HIVEP1: variants seen among roughly 807,000 people sequenced by gnomAD.
The protein encoded by HIVEP1 is zinc finger protein 40.
In HIVEP1, 36 loss-of-function variants were observed where a neutral mutation model predicts 180.0. The observed-to-expected ratio is 0.20, with a 90% CI of 0.15 to 0.26. The LOEUF is 0.26. HIVEP1 is among the 10% of genes least tolerant of loss of function. The pLI is 1.00. For synonymous variants in HIVEP1, 1,239 were observed against 1,239.0 expected (o/e 1.00, Z 0.00); for missense variants, 3,143 against 3,268.7 (o/e 0.96, Z 0.94).
intron 7 of HIVEP1, among the ~76,000 whole-genome samples, chr6:12,136,640 GCAGTGCCTTGCA>G (rs970725009): frequency 1.3e-5 from 2 of 152,202 alleles, no homozygotes; most frequent in Non-Finnish European, 2.9e-5. Flanking sequence ...AGCACTTAGC[GCAGTGCCTTGCA>G]CTGCTCAGCA....
In HIVEP1 at chr6:12,125,869, A is replaced by G; in HGVS notation, c.6074A>G (p.Lys2025Arg). ...YSSKWKSSLS[K>R]RALGNQKSTV... ...AGCAAGTGGAAAAGCAGCTTAAGCA[A>G]GGTACTTGAAATATAATTTATCTTC... The change falls in exon 4 of 9, where the codon AAG becomes AGG. Residue 2025 changes from lysine to arginine, a missense_variant and splice_region_variant. Physicochemically the swap from Lys to Arg is conservative, Grantham distance 26. Around this residue, in one of 12 missense-constraint regions of HIVEP1, gnomAD observed 1,357 missense variants for 1,260.5 expected, o/e 1.08. Transcript: ENST00000379388. 6.4e-7 allele frequency: 1 copy of G among 1,567,250 alleles called. No homozygotes were observed. Among genetic ancestry groups the G allele is most frequent in the Non-Finnish European group, 8.7e-7 (1 of 1,152,172 alleles).
At chr6:12,141,854 C>T (rs933561449) in intron 7 of HIVEP1, among the ~76,000 whole-genome samples, 6 of 151,968 alleles carry the variant, frequency 3.9e-5, no homozygotes, top group African/African-American at 1.5e-4. Flanking sequence ...TATATATGCA[C>T]CCAATACAGG....
chr6:12,187,236 A>C, the HIVEP1 span, among the ~76,000 whole-genome samples: 11,978 of 152,188 alleles, frequency 0.079, 585 homozygotes, highest in Middle Eastern at 0.12. Flanking sequence ...AATTACTGCT[A>C]TAGTTTGGAT....
intron 2 of HIVEP1, among the ~76,000 whole-genome samples, chr6:12,068,358 A>G (rs1365658597): frequency 3.3e-5 from 5 of 152,122 alleles, no homozygotes; most frequent in African/African-American, 9.7e-5. Context: ...CCAAAGTACT[A>G]GGATTACAGG....
Position 12,123,060 on chromosome 6 carries a change from C to G in HIVEP1, c.3265C>G (p.Gln1089Glu). 1 of 1,614,136 alleles carries G rather than the reference C, an allele frequency of 6.2e-7. No individual in the cohort carries two copies. The highest frequency in any genetic ancestry group is 8.5e-7 in the Non-Finnish European group (1 of 1,180,016). ...SDQQHKNIQL[Q>E]NSHIHLVARG... Reference sequence around the variant, plus strand: ...CCAGCAGCATAAAAATATACAGTTGCAAAACTCCCATATTCACCTTGTTGC... The same window carrying G: ...CCAGCAGCATAAAAATATACAGTTGGAAAACTCCCATATTCACCTTGTTGC... The change falls in exon 4 of 9, where the codon CAA becomes GAA. Residue 1089 changes from glutamine (Q) to glutamate (E), a missense_variant. Gln to Glu is a conservative substitution (Grantham distance 29, BLOSUM62 2). Transcript: ENST00000379388.
the HIVEP1 span, among the ~76,000 whole-genome samples, chr6:12,193,145 T>A: frequency 6.6e-6 from 1 of 152,234 alleles, no homozygotes; most frequent in African/African-American, 2.4e-5. Context: ...TGCTTTTTGC[T>A]TAACATATTA....
intron 2 of HIVEP1, among the ~76,000 whole-genome samples, chr6:12,041,081 A>T (rs1769657797): frequency 6.6e-6 from 1 of 152,116 alleles, no homozygotes; most frequent in Admixed American, 6.5e-5. Context: ...TTCTCCTCTG[A>T]GCTGTTGACA....
Position 12,123,104 on chromosome 6 carries a change from C to T in HIVEP1, c.3309C>T (p.Thr1103=). Residue 1103 remains threonine, a synonymous_variant, in exon 4 of 9, where the codon ACC becomes ACT. Transcript: ENST00000379388. ...IHLVARGPEQ[T]MDPKLSTIME... ...TTGTTGCCAGGGGCCCTGAGCAGAC[C>T]ATGGATCCCAAGCTGTCGACCATCA... The T allele has an allele frequency of 6.2e-7, 1 of 1,614,144 alleles. No individual in the cohort carries two copies. Among genetic ancestry groups the T allele is most frequent in the Non-Finnish European group, 8.5e-7 (1 of 1,180,010 alleles).
chr6:12,107,256 G>C (rs902983597), intron 3 of HIVEP1, among the ~76,000 whole-genome samples: 6 of 152,178 alleles, frequency 3.9e-5, no homozygotes, highest in Admixed American at 3.9e-4. Context: ...ACTGTAATCC[G>C]TGTAAGTGTG....
intron 7 of HIVEP1, among the ~76,000 whole-genome samples, chr6:12,148,301 C>T (rs3777767): frequency 0.18 from 27,166 of 152,104 alleles, 2,928 homozygotes; most frequent in East Asian, 0.47. Flanking sequence ...CTTCACACCC[C>T]GATGCGTCTC....
chr6:12,072,105 T>C (rs1375138799), intron 2 of HIVEP1, among the ~76,000 whole-genome samples: 1 of 150,986 alleles, frequency 6.6e-6, no homozygotes. Context: ...TTTTATTAAA[T>C]AAATAATGCA....
chr6:12,076,246 CAT>C (rs1318095334), intron 2 of HIVEP1, among the ~76,000 whole-genome samples: 23 of 152,168 alleles, frequency 1.5e-4, no homozygotes, highest in African/African-American at 5.3e-4. Context: ...TGTTGCCTAA[CAT>C]ATCTCTGTTT....
chr6:12,082,360 T>C (rs1224687107), intron 2 of HIVEP1, among the ~76,000 whole-genome samples: 1 of 152,144 alleles, frequency 6.6e-6, no homozygotes, highest in East Asian at 1.9e-4. Context: ...CACCTTCAAA[T>C]CCCAGGTGCT....
the HIVEP1 span, among the ~76,000 whole-genome samples, chr6:12,193,182 G>A: frequency 1.3e-5 from 2 of 152,096 alleles, no homozygotes; most frequent in Admixed American, 1.3e-4. Flanking sequence ...ATTCCTGAAA[G>A]TTTTTCATTA....
chr6:12,066,815 G>A (rs1771619730), intron 2 of HIVEP1, among the ~76,000 whole-genome samples: 2 of 151,812 alleles, frequency 1.3e-5, no homozygotes, highest in Non-Finnish European at 2.9e-5. Context: ...ATAACTAGAA[G>A]GCATTATGTT....
At chr6:12,027,723 C>G (rs576875756) in intron 2 of HIVEP1, among the ~76,000 whole-genome samples, 49 of 152,286 alleles carry the variant, frequency 3.2e-4, no homozygotes, top group Middle Eastern at 3.4e-3. Context: ...GAGTGGAGTG[C>G]CAGGTCTTGA....
chr6:12,081,977 G>A (rs531880792), intron 2 of HIVEP1, among the ~76,000 whole-genome samples: 2 of 152,202 alleles, frequency 1.3e-5, no homozygotes, highest in South Asian at 4.2e-4. Context: ...CTTACCTTTT[G>A]CATCCTCTAC....
upstream of HIVEP1, chr6:12,012,254 C>T (rs1249289253): frequency 6.8e-6 from 1 of 147,262 alleles, no homozygotes; most frequent in Non-Finnish European, 1.5e-5. Flanking sequence ...CCCGCGCTCC[C>T]CCCCCCGCCC....
the HIVEP1 span, among the ~76,000 whole-genome samples, chr6:12,207,103 C>T: frequency 2.0e-5 from 3 of 152,192 alleles, no homozygotes; most frequent in Non-Finnish European, 2.9e-5. Context: ...TCTGATTCTG[C>T]TGAGTTTTTA....
Sources: allele counts gnomAD v4.1 joint callset (sites outside exome capture counted in the v4.1 genomes callset), GRCh38; gene constraint gnomAD v4.1.1; regional missense constraint gnomAD v4.1.1; transcripts MANE v1.5; gene names NCBI Gene and HGNC (gene_info 2026-07-23, HGNC 2026-07-21).